Variants in ORC3 observed in about 807,000 individuals in gnomAD.
ORC3 encodes the protein origin recognition complex subunit 3, also known as homolog of latheo, Drosophila.
ORC3 carries 78 observed loss-of-function variants against 100.7 expected under a neutral mutation model. The observed-to-expected ratio is 0.77, with a 90% CI of 0.65 to 0.94. The LOEUF (loss-of-function observed/expected upper bound fraction) is 0.94. Among genes scored for constraint, ORC3 ranks in the 40% least tolerant of loss-of-function variants. The pLI is 0.00. For synonymous variants in ORC3, 295 were observed against 289.3 expected (o/e 1.02, Z -0.20); for missense variants, 789 against 823.9 (o/e 0.96, Z 0.52).
chr6:87,656,180 T>C (rs1769672545), intron 14 of ORC3, among the ~76,000 whole-genome samples: 1 of 152,224 alleles, frequency 6.6e-6, no homozygotes, highest in South Asian at 2.1e-4. Flanking sequence ...TTCAAAACTT[T>C]TACACACTAC....
chr6:87,642,778 T>A (rs2128282711), intron 13 of ORC3, among the ~76,000 whole-genome samples: 1 of 151,882 alleles, frequency 6.6e-6, no homozygotes. Flanking sequence ...GGCAGACGCC[T>A]GTAGTCCCAG....
intron 13 of ORC3, among the ~76,000 whole-genome samples, chr6:87,639,123 A>G (rs1399862193): frequency 6.6e-6 from 1 of 152,158 alleles, no homozygotes; most frequent in Non-Finnish European, 1.5e-5. Context: ...AGATAATCTC[A>G]TTATGCACAT....
At chr6:87,597,095 A>AT (rs1777504538) in intron 2 of ORC3, among the ~76,000 whole-genome samples, 1 of 152,124 alleles carries the variant, frequency 6.6e-6, no homozygotes, top group Non-Finnish European at 1.5e-5. Flanking sequence ...GGTTATTGGA[A>AT]TTTTTTCAGA....
intron 16 of ORC3, among the ~76,000 whole-genome samples, chr6:87,660,233 A>C (rs1403762032): frequency 3.9e-5 from 6 of 152,184 alleles, no homozygotes; most frequent in Admixed American, 3.9e-4. Context: ...GTATAATTAA[A>C]TGTGTTTTGT....
At chr6:87,594,242 T>C (rs1777257609) in intron 1 of ORC3, 111 bp from the exon 2 acceptor site, 3 of 639,716 alleles carry the variant, frequency 4.7e-6, no homozygotes, top group Non-Finnish European at 8.1e-6. Flanking sequence ...ATGTGTTCTC[T>C]CCCCTAACAT....
chr6:87,613,233 T>C (rs1402472136), intron 8 of ORC3, among the ~76,000 whole-genome samples: 3 of 152,194 alleles, frequency 2.0e-5, no homozygotes, highest in Non-Finnish European at 4.4e-5. Context: ...CTTACATAGA[T>C]GGCAGCAGGC....
In ORC3 at chr6:87,656,825, T is replaced by A. The variant is rs550069859; in HGVS notation, c.1517-81T>A. 8.2e-6 allele frequency: 7 copies of A among 854,012 alleles called. 1 individual carries two copies. In the South Asian group the frequency reaches 1.1e-4, roughly 14 times the overall value. 52.9% of individuals were successfully genotyped at this position (854,012 alleles called of 1,614,324 possible). A position where few individuals can be genotyped will look rare whatever the true frequency, so the allele number is the denominator to read the frequency against. ...AAAAAATATATATAGGTGAAACTTT[T>A]ACTTTGGAGTAGTAGAAATGTTTGT... On this transcript the variant is annotated intron_variant, in intron 14 of 19. Coordinates refer to ENST00000392844, the MANE Select transcript of ORC3 (RefSeq NM_012381.4).
At position 87,606,056 on chromosome 6, in the gene ORC3, A is replaced by T. The variant is rs1004044875; in HGVS notation, c.427+35A>T. The T allele has an allele frequency of 3.6e-6, 4 of 1,102,898 alleles. No individual in the cohort carries two copies. The African/African-American group carries it at 6.2e-5, about 17-fold the overall frequency. 68.3% of individuals were successfully genotyped at this position (1,102,898 alleles called of 1,614,324 possible). ...TAAATGCCATAATAACCTTGATGAG[A>T]TGTTACAGACTTCTTTCATCCTTTT... On this transcript the variant is annotated intron_variant, in intron 5 of 19. Coordinates refer to ENST00000392844, the MANE Select transcript of ORC3 (RefSeq NM_012381.4).
chr6:87,677,731 T>C, the ORC3 span: 6 of 1,447,286 alleles, frequency 4.1e-6, no homozygotes, highest in Non-Finnish European at 5.7e-6. Context: ...ACCGCACCAG[T>C]GTATAGAAAG....
chr6:87,636,613 G>A, intron 13 of ORC3, 127 bp downstream of exon 13: 2 of 642,042 alleles, frequency 3.1e-6, no homozygotes, highest in East Asian at 2.7e-5. Flanking sequence ...AAGAATATTT[G>A]CATATATCTT....
At chr6:87,628,709 T>G (rs184895758) in intron 11 of ORC3, among the ~76,000 whole-genome samples, 9 of 152,292 alleles carry the variant, frequency 5.9e-5, no homozygotes, top group Admixed American at 5.9e-4. Flanking sequence ...TTTTCACCGT[T>G]TAGTATGCTT....
chr6:87,634,814 A>G (rs1767688246), intron 11 of ORC3, 31 bp from the exon 12 acceptor site: 1 of 1,031,974 alleles, frequency 9.7e-7, no homozygotes, highest in Non-Finnish European at 1.5e-6. Context: ...TAGCTGACTT[A>G]CATATTAATA....
intron 4 of ORC3, among the ~76,000 whole-genome samples, chr6:87,604,871 T>C (rs1456539110): frequency 6.6e-6 from 1 of 152,226 alleles, no homozygotes; most frequent in African/African-American, 2.4e-5. Context: ...TGGTTTATTA[T>C]TGCTGGCATG....
At chr6:87,666,282 C>T (rs1035851669) in intron 19 of ORC3, among the ~76,000 whole-genome samples, 2 of 151,962 alleles carry the variant, frequency 1.3e-5, no homozygotes, top group Admixed American at 6.6e-5. Context: ...CAGGTGCCTG[C>T]CACCAAGCCC....
In ORC3 at chr6:87,657,925, T is replaced by A; in HGVS notation, c.1598T>A (p.Leu533Ter). The change falls in exon 16 of 20, where the codon TTA becomes TAA. Residue 533 changes from leucine to a stop codon, truncating the protein, a stop_gained. Transcript: ENST00000392844. LOFTEE classifies it high-confidence loss of function. ...GCTATGTTCTTTTATCTATAGTCCTTATTGGAAATGAAGGAGTTAAGAAGA... is the reference window on the plus strand; with the variant it reads ...GCTATGTTCTTTTATCTATAGTCCTAATTGGAAATGAAGGAGTTAAGAAGA... ...KTDLYHLQKSLLEMKELRRSK... is the reference protein window; with the variant it reads ...KTDLYHLQKS The A allele has an allele frequency of 6.6e-7, 1 of 1,522,842 alleles. No individual in the cohort carries two copies. The highest frequency in any genetic ancestry group is 9.1e-7 in the Non-Finnish European group (1 of 1,097,110). The allele number at this position is 1,522,842 out of a possible 1,614,324, so 94.3% of individuals were successfully genotyped here.
In ORC3 at chr6:87,645,984, C is replaced by CTTTTTTTTTTTT. The variant is rs747686139; in HGVS notation, c.1383-7122_1383-7121insTTTTTTTTTTTT. On this transcript the variant is annotated intron_variant, in intron 13 of 19. Coordinates refer to ENST00000392844, the MANE Select transcript of ORC3 (RefSeq NM_012381.4). The stretch of plus-strand genomic sequence containing the variant: ...GTGAAATAATTTTTTCTTTTTTTTT[C>CTTTTTTTTTTTT]TTTTTTTTTTCTTTTTTTTTGAGGC... Among the ~76,000 whole-genome samples the CTTTTTTTTTTTT allele has an allele frequency of 2.1e-4, 27 of 126,996 alleles. 1 individual carries two copies. The highest frequency in any genetic ancestry group is 5.5e-4 in the African/African-American group (18 of 32,484). 83.3% of individuals were successfully genotyped at this position (126,996 alleles called of 152,430 possible). A position where few individuals can be genotyped will look rare whatever the true frequency, so the allele number is the denominator to read the frequency against.
intron 16 of ORC3, among the ~76,000 whole-genome samples, chr6:87,659,029 G>GGGGC (rs1554254496): frequency 7.5e-6 from 1 of 132,984 alleles, no homozygotes; most frequent in African/African-American, 2.9e-5. Flanking sequence ...GGGCGGGGGG[G>GGGGC]GGAGAACCTG....
At chr6:87,650,004 T>C (rs564933203) in intron 13 of ORC3, among the ~76,000 whole-genome samples, 1 of 152,008 alleles carries the variant, frequency 6.6e-6, no homozygotes, top group South Asian at 2.1e-4. Context: ...TTACATTATA[T>C]GGATATGTAT....
Position 87,657,935 on chromosome 6 carries a change from GA to G in ORC3, c.1610del (p.Lys537ArgfsTer3). The G allele has an allele frequency of 6.4e-7, 1 of 1,554,714 alleles. No homozygotes were observed. The highest frequency in any genetic ancestry group is 8.9e-7 in the Non-Finnish European group (1 of 1,126,034). ...YHLQKSLLEM[K>X]ELRRSKKQTK... ...TTTATCTATAGTCCTTATTGGAAATGAAGGAGTTAAGAAGAAGTAAGAAGCA... is the reference window on the plus strand; with the variant it reads ...TTTATCTATAGTCCTTATTGGAAATGAGGAGTTAAGAAGAAGTAAGAAGCA... On this transcript the variant is annotated frameshift_variant, in exon 16 of 20. Coordinates refer to ENST00000392844, the MANE Select transcript of ORC3 (RefSeq NM_012381.4). LOFTEE classifies it high-confidence loss of function.
Sources: gnomAD v4.1 joint callset for allele counts (sites outside exome capture counted in the v4.1 genomes callset) on GRCh38, gnomAD v4.1.1 for gene constraint, MANE v1.5 for transcripts, NCBI Gene and HGNC (gene_info 2026-07-23, HGNC 2026-07-21) for gene names.